The following ENOX1 variants were observed in gnomAD, a reference collection of about 807,000 sequenced individuals.
The protein encoded by ENOX1 is candidate growth-related and time keeping constitutive hydroquinone (NADH) oxidase.
ENOX1 carries 42 observed loss-of-function variants against 82.5 expected under a neutral mutation model. The observed-to-expected ratio is 0.51, with a 90% CI of 0.40 to 0.66. ENOX1 has a LOEUF of 0.66. Ranked by LOEUF, ENOX1 falls within the 30% of genes least tolerant of loss-of-function variation. The pLI is 0.00. For missense variants in ENOX1, 608 were observed against 811.6 expected, an observed-to-expected ratio of 0.75 and a Z score of 3.05; for synonymous variants, 271 against 282.2, an observed-to-expected ratio of 0.96 and a Z score of 0.40.
intron 1 of ENOX1, among the ~76,000 whole-genome samples, chr13:43,737,049 A>T (rs2089668285): frequency 6.6e-6 from 1 of 152,182 alleles, no homozygotes; most frequent in African/African-American, 2.4e-5. Flanking sequence ...TCATGCTTAC[A>T]TTTCTTTTAG....
In ENOX1 at chr13:43,449,075, G is replaced by A. The variant is rs539976227; in HGVS notation, c.-75+34934C>T. Reference sequence around the variant, plus strand: ...CCTTGCCAGATACAGTCTAGGCAAAGTGCTTTGCTGCAGAGCTCCTTTTAT... The same window carrying A: ...CCTTGCCAGATACAGTCTAGGCAAAATGCTTTGCTGCAGAGCTCCTTTTAT... On this transcript the variant is annotated intron_variant, in intron 3 of 16. Coordinates refer to ENST00000690772, the MANE Select transcript of ENOX1 (RefSeq NM_001347969.2). Among the ~76,000 whole-genome samples the A allele has an allele frequency of 7.9e-5, 12 of 152,354 alleles. No individual in the cohort carries two copies. In the East Asian group the frequency reaches 2.1e-3, roughly 27 times the overall value.
chr13:43,614,556 T>TTC (rs1408701462), intron 2 of ENOX1, among the ~76,000 whole-genome samples: 2 of 151,476 alleles, frequency 1.3e-5, no homozygotes, highest in African/African-American at 4.9e-5. Flanking sequence ...TTTTTTTTTT[T>TTC]TTAGCACTTG....
intron 2 of ENOX1, among the ~76,000 whole-genome samples, chr13:43,645,901 C>T (rs1310507067): frequency 1.3e-5 from 2 of 152,196 alleles, no homozygotes; most frequent in Admixed American, 1.3e-4. Context: ...TCAAGGATGT[C>T]TGTAAAGCAA....
chr13:43,398,172 GCA>G (rs2053267129), intron 5 of ENOX1, among the ~76,000 whole-genome samples: 1 of 152,202 alleles, frequency 6.6e-6, no homozygotes, highest in Admixed American at 6.5e-5. Context: ...TCAGACCACA[GCA>G]CAGTGCTGGA....
chr13:43,215,744 C>T (rs1566254811), intron 16 of ENOX1, among the ~76,000 whole-genome samples: 1 of 152,074 alleles, frequency 6.6e-6, no homozygotes, highest in African/African-American at 2.4e-5. Context: ...AGGTCTTTCT[C>T]AGTAGCGGTC....
intron 16 of ENOX1, among the ~76,000 whole-genome samples, chr13:43,221,641 T>C (rs972210488): frequency 5.3e-5 from 8 of 152,174 alleles, no homozygotes; most frequent in African/African-American, 1.9e-4. Context: ...TATGCAAATA[T>C]GCAAATATCA....
chr13:43,287,014 G>C (rs1233128307), intron 12 of ENOX1, among the ~76,000 whole-genome samples: 10 of 152,150 alleles, frequency 6.6e-5, no homozygotes, highest in Admixed American at 5.9e-4. Flanking sequence ...CATGGTGTGG[G>C]GTTATAGAGG....
intron 3 of ENOX1, among the ~76,000 whole-genome samples, chr13:43,470,387 C>CACGTATATAT (rs1566308507): frequency 1.9e-5 from 1 of 51,506 alleles, no homozygotes; most frequent in African/African-American, 7.4e-5. Flanking sequence ...CATATATATA[C>CACGTATATAT]GTATATATAT....
chr13:43,318,694 C>T (rs9533455), intron 11 of ENOX1, among the ~76,000 whole-genome samples: 35,628 of 152,220 alleles, frequency 0.23, 4,647 homozygotes, highest in South Asian at 0.34. Context: ...AGTCCACAGA[C>T]TTTTATTGAT....
chr13:43,622,966 G>C (rs2082805701), intron 2 of ENOX1, among the ~76,000 whole-genome samples: 2 of 152,076 alleles, frequency 1.3e-5, no homozygotes, highest in South Asian at 4.1e-4. Flanking sequence ...GAGACTCCCA[G>C]GTCACTGGAG....
intron 1 of ENOX1, among the ~76,000 whole-genome samples, chr13:43,763,305 G>A (rs907512655): frequency 5.3e-5 from 8 of 152,180 alleles, no homozygotes; most frequent in Admixed American, 1.3e-4. Flanking sequence ...GGCCCACACC[G>A]TGGCTCATAG....
intron 3 of ENOX1, among the ~76,000 whole-genome samples, chr13:43,476,742 C>T (rs2153652519): frequency 6.6e-6 from 1 of 152,206 alleles, no homozygotes; most frequent in East Asian, 1.9e-4. Context: ...GCACATTCAA[C>T]AGAAACAACA....
intron 14 of ENOX1, among the ~76,000 whole-genome samples, chr13:43,259,674 C>G (rs1016177342): frequency 6.6e-6 from 1 of 152,184 alleles, no homozygotes; most frequent in Non-Finnish European, 1.5e-5. Context: ...CAGGGTTTCA[C>G]CATCTTGGCC....
chr13:43,339,313 C>A (rs1343346944), intron 9 of ENOX1, among the ~76,000 whole-genome samples: 1 of 152,144 alleles, frequency 6.6e-6, no homozygotes, highest in East Asian at 1.9e-4. Context: ...CCTATGGATC[C>A]TTTCCAAATG....
chr13:43,672,777 T>C (rs994315596), intron 1 of ENOX1, among the ~76,000 whole-genome samples: 3 of 152,218 alleles, frequency 2.0e-5, no homozygotes, highest in African/African-American at 7.2e-5. Flanking sequence ...ATAAATTTCC[T>C]AATTATATAA....
At chr13:43,360,880 A>G (rs558476922) in intron 6 of ENOX1, among the ~76,000 whole-genome samples, 69 of 152,338 alleles carry the variant, frequency 4.5e-4, no homozygotes, top group Middle Eastern at 3.4e-3. Context: ...CCCAGCCCCC[A>G]AATTGCTAAC....
At chr13:43,429,541 G>T (rs955410497) in intron 3 of ENOX1, among the ~76,000 whole-genome samples, 1 of 152,080 alleles carries the variant, frequency 6.6e-6, no homozygotes, top group African/African-American at 2.4e-5. Flanking sequence ...TCACAATTTT[G>T]GTTTGTAAAT....
intron 1 of ENOX1, among the ~76,000 whole-genome samples, chr13:43,685,272 CAT>C (rs911774686): frequency 1.3e-5 from 2 of 152,168 alleles, no homozygotes; most frequent in African/African-American, 4.8e-5. Context: ...CTGCATCTTG[CAT>C]AGTTTCCTTC....
At chr13:43,311,030 A>G (rs1354733314) in intron 11 of ENOX1, among the ~76,000 whole-genome samples, 2 of 151,990 alleles carry the variant, frequency 1.3e-5, no homozygotes, top group Non-Finnish European at 2.9e-5. Flanking sequence ...ATATATAATG[A>G]TGGAAGCAGA....
Sources: allele counts gnomAD v4.1 joint callset (sites outside exome capture counted in the v4.1 genomes callset), GRCh38; gene constraint gnomAD v4.1.1; transcripts MANE v1.5; gene names NCBI Gene and HGNC (gene_info 2026-07-23, HGNC 2026-07-21).